Variants in ACSL6 observed in about 807,000 individuals in gnomAD.
ACSL6 encodes acyl-CoA synthetase long chain family member 6.
Under a neutral mutation model 98.2 loss-of-function variants are expected in ACSL6, and 47 were observed. The ratio of observed to expected loss-of-function variants is 0.48; its 90% CI spans 0.38 to 0.61. ACSL6 has a LOEUF of 0.61. ACSL6 is among the 20% of genes least tolerant of loss of function. The probability of loss-of-function intolerance (pLI) is 0.00; values close to 1 mark genes in which losing one functional copy is unlikely to be tolerated. For missense variants in ACSL6, 761 were observed against 913.4 expected, an observed-to-expected ratio of 0.83 and a Z score of 2.15; for synonymous variants, 362 against 336.9, an observed-to-expected ratio of 1.07 and a Z score of -0.82.
chr5:131,969,839 G>A (rs1753209941), intron 15 of ACSL6, among the ~76,000 whole-genome samples: 1 of 152,092 alleles, frequency 6.6e-6, no homozygotes, highest in East Asian at 1.9e-4. Context: ...CATCCTTCAG[G>A]GCCAAGGGAA....
chr5:131,977,460 G>C (rs534740432), intron 9 of ACSL6, among the ~76,000 whole-genome samples: 1 of 152,098 alleles, frequency 6.6e-6, no homozygotes, highest in East Asian at 1.9e-4. Context: ...AGTTCCTGCC[G>C]GACAGATCTG....
intron 3 of ACSL6, among the ~76,000 whole-genome samples, chr5:131,990,586 C>G (rs886608753): frequency 6.6e-6 from 1 of 152,156 alleles, no homozygotes; most frequent in South Asian, 2.1e-4. Context: ...CAGTTCAAGG[C>G]TCCCCAAGAG....
chr5:131,962,414 G>A lies in ACSL6; in HGVS notation c.1857+121C>T, dbSNP rs1488383092. 5.0e-6 allele frequency: 6 copies of A among 1,211,340 alleles called. No individual in the cohort carries two copies. In the African/African-American group the frequency reaches 6.1e-5, roughly 12 times the overall value. 75.0% of individuals were successfully genotyped at this position (1,211,340 alleles called of 1,614,324 possible). ...AGTAAGATTTCTCCTTTAAAAAGGA[G>A]TTTTCTCTCATGTTTTAAAATGCGG... On this transcript the variant is annotated intron_variant, in intron 18 of 20. Coordinates refer to ENST00000651883, the MANE Select transcript of ACSL6 (RefSeq NM_001009185.3).
chr5:131,954,327 A>G lies in ACSL6; in HGVS notation c.2076T>C (p.Asn692=), dbSNP rs1357727740. The G allele has an allele frequency of 2.5e-6, 4 of 1,613,912 alleles. No individual in the cohort carries two copies. Among genetic ancestry groups the G allele is most frequent in the African/African-American group, 1.3e-5 (1 of 74,918 alleles). ...HIHSDMFSVQ[N]GLLTPTLKAK... ...CTTTTAGTGTTGGTGTCAGCAAGCC[A>G]TTTTGAACTGAGAACATGTCAGAAT... is the stretch of plus-strand genomic sequence containing the variant. The change falls in exon 21 of 21, where the codon AAT becomes AAC. Residue 692 remains asparagine, a synonymous_variant. Coordinates refer to ENST00000651883, the MANE Select transcript of ACSL6 (RefSeq NM_001009185.3).
At chr5:131,968,065 C>T (rs752029136) in intron 15 of ACSL6, 37 bp from the exon 16 acceptor site, 1 of 1,589,096 alleles carries the variant, frequency 6.3e-7, no homozygotes, top group Non-Finnish European at 8.6e-7. Context: ...TGTTAGTGTT[C>T]AGATCTGTTT....
chr5:131,975,462 T>C, intron 10 of ACSL6: 2 of 985,406 alleles, frequency 2.0e-6, no homozygotes, highest in Non-Finnish European at 2.4e-6. Context: ...AGGTCTTGGC[T>C]AGTCAGCACT....
Position 131,988,218 on chromosome 5 carries a change from T to C in ACSL6, c.661A>G (p.Ser221Gly). 2 of 1,614,134 alleles carry C rather than the reference T, an allele frequency of 1.2e-6. No individual in the cohort carries two copies. The highest frequency in any genetic ancestry group is 2.2e-5 in the South Asian group (2 of 91,084). ...IRYIINTADI[S>G]TVIVDKPQKA... ...TGAGGTTTGTCCACAATCACGGTGC[T>C]GATGTCCGCTGCAGGGGGCCATCAA... The change falls in exon 7 of 21, where the codon AGC becomes GGC. Residue 221 changes from serine to glycine, a missense_variant. Transcript: ENST00000651883.
chr5:131,962,510 G>C (rs371575337), intron 18 of ACSL6, 25 bp downstream of exon 18: 165 of 1,593,578 alleles, frequency 1.0e-4, no homozygotes, highest in Admixed American at 7.5e-4. Context: ...GGATATGTGG[G>C]AGGGCTGAAG....
rs913020660 is a variant in ACSL6 at position 131,985,291 on chromosome 5, C to G, written c.916+116G>C. The G allele has an allele frequency of 3.7e-6, 5 of 1,343,686 alleles. No homozygotes were observed. In the Admixed American group the frequency reaches 5.8e-5, roughly 16 times the overall value. The allele number at this position is 1,343,686 out of a possible 1,614,324, so 83.2% of individuals were successfully genotyped here. A position where few individuals can be genotyped will look rare whatever the true frequency, so the allele number is the denominator to read the frequency against. On this transcript the variant is annotated intron_variant, in intron 9 of 20. Coordinates refer to ENST00000651883, the MANE Select transcript of ACSL6 (RefSeq NM_001009185.3). Reference sequence around the variant, plus strand: ...GTCACCCAGTGTCTGGAGCCAGGAACAAGACAAGGCTCAGCCCATTTCAAA... The same window carrying G: ...GTCACCCAGTGTCTGGAGCCAGGAAGAAGACAAGGCTCAGCCCATTTCAAA...
In ACSL6 at chr5:131,972,869, T is replaced by C; in HGVS notation, c.1204-11A>G. The C allele has an allele frequency of 1.2e-6, 2 of 1,613,880 alleles. No homozygotes were observed. ...TGCCTGGCTGAAGATCTGAGGAACA[T>C]AAGTTGGAAGCAGCTGTCAGAGCCT... On this transcript the variant is annotated splice_polypyrimidine_tract_variant and intron_variant, in intron 12 of 20. Transcript: ENST00000651883.
chr5:132,007,456 T>C (rs1250787950), intron 1 of ACSL6, among the ~76,000 whole-genome samples: 1 of 152,226 alleles, frequency 6.6e-6, no homozygotes, highest in Non-Finnish European at 1.5e-5. Context: ...CAAGTTATTA[T>C]AATTTTAGCT....
chr5:131,989,363 C>T (rs566611765), intron 5 of ACSL6, 44 bp downstream of exon 5: 1 of 1,578,082 alleles, frequency 6.3e-7, no homozygotes, highest in Non-Finnish European at 8.7e-7. Context: ...CAGCCAACCC[C>T]TACCCCACGA....
At chr5:132,002,989 C>G (rs1755173357) in intron 1 of ACSL6, among the ~76,000 whole-genome samples, 1 of 152,212 alleles carries the variant, frequency 6.6e-6, no homozygotes, top group African/African-American at 2.4e-5. Flanking sequence ...GCTCCTACAT[C>G]CTTGGCAAAG....
At position 131,991,014 on chromosome 5, in the gene ACSL6, G is replaced by A. The variant is rs752887392; in HGVS notation, c.271-47C>T. The A allele has an allele frequency of 1.2e-5, 19 of 1,564,928 alleles. No individual in the cohort carries two copies. The Admixed American group carries it at 2.2e-4, about 18-fold the overall frequency. On this transcript the variant is annotated intron_variant, in intron 2 of 20. Coordinates refer to ENST00000651883, the MANE Select transcript of ACSL6 (RefSeq NM_001009185.3). ...GAGAAGTTGGCTGAGGCAGGTAGGGGTGCCAGGAGAGGGCCGCAGCATGCA... is the reference window on the plus strand; with the variant it reads ...GAGAAGTTGGCTGAGGCAGGTAGGGATGCCAGGAGAGGGCCGCAGCATGCA...
At chr5:131,971,449 C>A (rs1753301478) in intron 14 of ACSL6, 101 bp downstream of exon 14, 8 of 994,492 alleles carry the variant, frequency 8.0e-6, no homozygotes, top group Non-Finnish European at 1.1e-5. Context: ...TCACAAAAAT[C>A]TTGTCCCCCG....
chr5:132,011,731 AG>A, upstream of ACSL6: 1 of 1,300,610 alleles, frequency 7.7e-7, no homozygotes, highest in East Asian at 3.1e-5. The surrounding 1 kb of genome is among the most constrained non-coding windows in gnomAD (Gnocchi z 5.4). Flanking sequence ...AGACGGCTCA[AG>A]GGGGAGGGCG....
At chr5:131,988,933 G>C in intron 5 of ACSL6, 29 bp from the exon 6 acceptor site, 3 of 1,584,580 alleles carry the variant, frequency 1.9e-6, no homozygotes, top group Non-Finnish European at 1.7e-6. Context: ...CGGGGGTGGG[G>C]AAGAAGGGGA....
intron 8 of ACSL6, 122 bp downstream of exon 8, chr5:131,986,700 G>C: frequency 1.6e-6 from 2 of 1,241,842 alleles, no homozygotes; most frequent in Non-Finnish European, 2.3e-6. Flanking sequence ...GCATTTCCTG[G>C]CTTGCACACA....
chr5:131,995,180 G>A (rs1004939649), intron 1 of ACSL6, among the ~76,000 whole-genome samples: 1 of 152,168 alleles, frequency 6.6e-6, no homozygotes, highest in African/African-American at 2.4e-5. Context: ...GATGCCCTGG[G>A]GTAGAGAGAG....
Sources: allele counts gnomAD v4.1 joint callset (sites outside exome capture counted in the v4.1 genomes callset), GRCh38; gene constraint gnomAD v4.1.1; non-coding constraint Gnocchi (gnomAD v3.1); transcripts MANE v1.5; gene names NCBI Gene and HGNC (gene_info 2026-07-23, HGNC 2026-07-21).